FANCC: variants seen among roughly 807,000 people sequenced by gnomAD.
The protein encoded by FANCC is FA complementation group C, also known as Fanconi anemia group C protein.
FANCC carries 55 observed loss-of-function variants against 71.3 expected under a neutral mutation model. That is an observed-to-expected ratio of 0.77 (90% CI 0.62 to 0.97). FANCC has a LOEUF of 0.97. FANCC is among the 50% of genes least tolerant of loss of function. The pLI is 0.00. For synonymous variants in FANCC, 275 were observed against 244.9 expected, an observed-to-expected ratio of 1.12 and a Z score of -1.15; for missense variants, 678 against 670.9, an observed-to-expected ratio of 1.01 and a Z score of -0.12.
intron 4 of FANCC, among the ~76,000 whole-genome samples, chr9:95,201,202 T>TA (rs201547654): frequency 1.6e-4 from 25 of 151,726 alleles, no homozygotes; most frequent in Admixed American, 1.5e-3. Flanking sequence ...TTAATGCCAA[T>TA]AAAAAAAATT....
chr9:95,313,190 G>A (rs920354644), intron 1 of FANCC, among the ~76,000 whole-genome samples: 4 of 152,168 alleles, frequency 2.6e-5, no homozygotes, highest in African/African-American at 9.6e-5. Context: ...ACCCAAGCAC[G>A]GGAGCCAGCG....
chr9:95,150,826 C>A (rs1245441165), intron 6 of FANCC, among the ~76,000 whole-genome samples: 3 of 152,182 alleles, frequency 2.0e-5, no homozygotes, highest in African/African-American at 2.4e-5. Flanking sequence ...TCCTGCTGTT[C>A]ACTCTGCCTG....
intron 4 of FANCC, among the ~76,000 whole-genome samples, chr9:95,172,589 A>T (rs1267399126): frequency 6.6e-6 from 1 of 152,214 alleles, no homozygotes; most frequent in Admixed American, 6.5e-5. Flanking sequence ...CTCATGAACT[A>T]CAAAAGGATC....
chr9:95,156,001 C>T (rs1830447067), intron 6 of FANCC, among the ~76,000 whole-genome samples: 1 of 151,530 alleles, frequency 6.6e-6, no homozygotes, highest in Non-Finnish European at 1.5e-5. Flanking sequence ...GCTGGGATTA[C>T]AGGAGTGAGC....
intron 11 of FANCC, among the ~76,000 whole-genome samples, chr9:95,116,135 C>T (rs4647523): frequency 6.6e-6 from 1 of 152,266 alleles, no homozygotes; most frequent in Non-Finnish European, 1.5e-5. Context: ...CATGCACCAC[C>T]TCACCGTTTA....
chr9:95,195,607 T>A (rs34855451), intron 4 of FANCC, among the ~76,000 whole-genome samples: 2,803 of 152,342 alleles, frequency 0.018, 37 homozygotes, highest in Non-Finnish European at 0.029. Context: ...CTTGTGCTTT[T>A]CCCTATAAAT....
chr9:95,206,640 A>G (rs1828137771), intron 4 of FANCC, among the ~76,000 whole-genome samples: 1 of 152,188 alleles, frequency 6.6e-6, no homozygotes, highest in Non-Finnish European at 1.5e-5. Flanking sequence ...TCAAGCTCTT[A>G]AAGAAGATAT....
chr9:95,115,672 G>A (rs2072344822), intron 11 of FANCC, among the ~76,000 whole-genome samples: 1 of 152,122 alleles, frequency 6.6e-6, no homozygotes, highest in Non-Finnish European at 1.5e-5. Flanking sequence ...TGCTATAATC[G>A]AACACACAAG....
intron 13 of FANCC, among the ~76,000 whole-genome samples, chr9:95,108,963 T>C (rs1238796283): frequency 1.3e-5 from 2 of 151,902 alleles, no homozygotes; most frequent in Admixed American, 6.6e-5. Context: ...TGGAATGCAG[T>C]GGTGCAATCT....
intron 14 of FANCC, among the ~76,000 whole-genome samples, chr9:95,103,431 T>C (rs773176170): frequency 5.3e-5 from 8 of 152,122 alleles, no homozygotes; most frequent in Non-Finnish European, 1.0e-4. Context: ...CTAGCTAACT[T>C]TTGCTGTTGT....
chr9:95,199,376 T>A (rs1827665262), intron 4 of FANCC, among the ~76,000 whole-genome samples: 1 of 151,382 alleles, frequency 6.6e-6, no homozygotes, highest in Non-Finnish European at 1.5e-5. Context: ...GGGCCCCTCC[T>A]ACTCACCATG....
At chr9:95,213,334 A>T (rs1229802317) in intron 4 of FANCC, among the ~76,000 whole-genome samples, 1 of 152,168 alleles carries the variant, frequency 6.6e-6, no homozygotes, top group Non-Finnish European at 1.5e-5. Flanking sequence ...CAATCAAAAG[A>T]GTTAGAATAG....
At chr9:95,205,239 G>A (rs1001246571) in intron 4 of FANCC, among the ~76,000 whole-genome samples, 3 of 151,918 alleles carry the variant, frequency 2.0e-5, no homozygotes, top group African/African-American at 7.2e-5. Flanking sequence ...ATCAGCTTAT[G>A]TAAAAAAAGG....
At chr9:95,301,913 TAAAA>T (rs753118112) in intron 1 of FANCC, among the ~76,000 whole-genome samples, 4 of 113,006 alleles carry the variant, frequency 3.5e-5, no homozygotes, top group Admixed American at 8.8e-5. Context: ...CCATCTCCAC[TAAAA>T]AAAAAAAAAA....
chr9:95,280,295 A>T (rs777778089), intron 1 of FANCC, among the ~76,000 whole-genome samples: 6 of 152,186 alleles, frequency 3.9e-5, no homozygotes, highest in Non-Finnish European at 5.9e-5. Flanking sequence ...AAATTGACAG[A>T]AAGGGAGAAA....
At chr9:95,278,303 G>T (rs1040244749) in intron 1 of FANCC, among the ~76,000 whole-genome samples, 2 of 152,134 alleles carry the variant, frequency 1.3e-5, no homozygotes, top group South Asian at 2.1e-4. Context: ...ACAATTTTTT[G>T]ACTTTACAAT....
At chr9:95,118,934 G>A (rs961564914) in intron 10 of FANCC, among the ~76,000 whole-genome samples, 1 of 152,172 alleles carries the variant, frequency 6.6e-6, no homozygotes, top group Non-Finnish European at 1.5e-5. Context: ...GGATGCCATC[G>A]GAATGGAACT....
chr9:95,147,721 G>A (rs1344441577), intron 7 of FANCC, among the ~76,000 whole-genome samples: 1 of 152,054 alleles, frequency 6.6e-6, no homozygotes, highest in Non-Finnish European at 1.5e-5. Context: ...TACTGTTATG[G>A]TGCAAGTTAA....
chr9:95,170,637 CGTGTGTGTGT>C lies in FANCC; in HGVS notation c.521+432_521+441del, dbSNP rs3992109. 7.1e-3 allele frequency among the ~76,000 whole-genome samples: 886 copies of C among 124,360 alleles called. 5 individuals carry two copies. Among genetic ancestry groups the C allele is most frequent in the African/African-American group, 0.023 (755 of 33,014 alleles). 81.6% of individuals were successfully genotyped at this position (124,360 alleles called of 152,430 possible). ...ACATCAAATGTTGCCTTGTAAATAT[CGTGTGTGTGT>C]GTGTGTGTGTGTGTGTGTGTGTGTG... On this transcript the variant is annotated intron_variant, in intron 6 of 14. Transcript: ENST00000289081.
Sources: allele counts gnomAD v4.1 joint callset (sites outside exome capture counted in the v4.1 genomes callset), GRCh38; gene constraint gnomAD v4.1.1; transcripts MANE v1.5; gene names NCBI Gene and HGNC (gene_info 2026-07-23, HGNC 2026-07-21).